The following SDK1 variants were observed in gnomAD, a reference collection of about 807,000 sequenced individuals.
The protein encoded by SDK1 is sidekick cell adhesion molecule 1, also known as protein sidekick-1.
A neutral mutation model predicts 245.5 loss-of-function variants in SDK1; 157 were observed. That is an observed-to-expected ratio of 0.64 (90% CI 0.56 to 0.73). The LOEUF (loss-of-function observed/expected upper bound fraction) is 0.73. SDK1 is among the 30% of genes least tolerant of loss of function. SDK1 has a pLI of 0.00. For missense variants in SDK1, 3,583 were observed against 3,002.3 expected, an observed-to-expected ratio of 1.19 and a Z score of -4.52; for synonymous variants, 1,647 against 1,278.5, an observed-to-expected ratio of 1.29 and a Z score of -6.15.
intron 4 of SDK1, among the ~76,000 whole-genome samples, chr7:3,802,576 A>G (rs1174750812): frequency 6.6e-6 from 1 of 151,322 alleles, no homozygotes; most frequent in Non-Finnish European, 1.5e-5. Context: ...GTCACCACAG[A>G]CATCCATCCC....
At chr7:3,860,233 G>A (rs1157675641) in intron 5 of SDK1, among the ~76,000 whole-genome samples, 1 of 151,992 alleles carries the variant, frequency 6.6e-6, no homozygotes, top group Non-Finnish European at 1.5e-5. Flanking sequence ...ATGTAACAAA[G>A]GCCCTATAAC....
intron 1 of SDK1, among the ~76,000 whole-genome samples, chr7:3,532,315 G>C (rs1325177504): frequency 4.6e-5 from 7 of 152,134 alleles, no homozygotes; most frequent in Non-Finnish European, 1.0e-4. Flanking sequence ...GTGTAGGGAA[G>C]AAAGAGTATT....
chr7:3,892,584 A>G (rs765389344), intron 5 of SDK1, among the ~76,000 whole-genome samples: 36 of 152,246 alleles, frequency 2.4e-4, no homozygotes, highest in Non-Finnish European at 3.8e-4. Flanking sequence ...ATTTTGAACA[A>G]GTGATACAGT....
At chr7:3,442,802 T>C (rs1583864388) in intron 1 of SDK1, among the ~76,000 whole-genome samples, 1 of 152,358 alleles carries the variant, frequency 6.6e-6, no homozygotes, top group African/African-American at 2.4e-5. Context: ...ACCTGTGAAA[T>C]GTAAACTGTT....
At chr7:3,828,251 C>G (rs1347147481) in intron 5 of SDK1, among the ~76,000 whole-genome samples, 3 of 151,934 alleles carry the variant, frequency 2.0e-5, no homozygotes, top group East Asian at 1.9e-4. Flanking sequence ...GCACTCCAAC[C>G]AAGGCGACGG....
rs150100133 is a variant in SDK1, at chr7:3,452,212, A to C, written c.298+150328A>C. Among the ~76,000 whole-genome samples the C allele has an allele frequency of 1.5e-3, 225 of 152,270 alleles. 1 individual carries two copies. Among genetic ancestry groups the C allele is most frequent in the African/African-American group, 5.2e-3 (214 of 41,550 alleles). ...CTTTAGGACAGGTAGAATTTTATCT[A>C]ACCTCTTAAGAACAAGTGGTTATTT... On this transcript the variant is annotated intron_variant, in intron 1 of 44. Transcript: ENST00000404826.
intron 5 of SDK1, among the ~76,000 whole-genome samples, chr7:3,922,528 T>C (rs1425629772): frequency 6.6e-6 from 1 of 152,266 alleles, no homozygotes; most frequent in Non-Finnish European, 1.5e-5. Context: ...GTGACTGACA[T>C]CTTTAGAATA....
chr7:4,202,548 G>A lies in SDK1; in HGVS notation c.5099-3331G>A, dbSNP rs1783949021. On this transcript the variant is annotated intron_variant, in intron 35 of 44. Coordinates refer to ENST00000404826, the MANE Select transcript of SDK1 (RefSeq NM_152744.4). ...AAAATGTGCAGTCCTCCCTCAGTTG[G>A]AGCGACCGCCAGTCACAGGGCCATG... Among the ~76,000 whole-genome samples the A allele has an allele frequency of 3.9e-5, 6 of 152,166 alleles. No homozygotes were observed. The South Asian group carries it at 1.2e-3, about 32-fold the overall frequency.
intron 5 of SDK1, among the ~76,000 whole-genome samples, chr7:3,929,452 G>T (rs1045867315): frequency 3.3e-5 from 5 of 152,166 alleles, no homozygotes; most frequent in African/African-American, 9.7e-5. Flanking sequence ...AATCAGAAAA[G>T]CATTCCGTAT....
chr7:3,629,922 A>G (rs1182823357), intron 2 of SDK1, among the ~76,000 whole-genome samples: 2 of 152,238 alleles, frequency 1.3e-5, no homozygotes, highest in Non-Finnish European at 2.9e-5. Context: ...ATTGCATATG[A>G]TCAAAGTAGA....
chr7:3,350,278 G>A (rs995500937), intron 1 of SDK1, among the ~76,000 whole-genome samples: 2 of 151,962 alleles, frequency 1.3e-5, no homozygotes, highest in Non-Finnish European at 2.9e-5. Context: ...AAGTTTATCA[G>A]TGTCTGTGTG....
intron 4 of SDK1, among the ~76,000 whole-genome samples, chr7:3,778,053 G>A (rs1780617209): frequency 6.6e-6 from 1 of 152,120 alleles, no homozygotes; most frequent in African/African-American, 2.4e-5. Context: ...TTATTGTCTT[G>A]CCTTCCTTTC....
intron 1 of SDK1, among the ~76,000 whole-genome samples, chr7:3,317,787 T>C (rs1220343413): frequency 1.3e-5 from 2 of 152,200 alleles, no homozygotes; most frequent in Non-Finnish European, 2.9e-5. Flanking sequence ...AAAATAAGTA[T>C]TTTGTTGTTC....
At chr7:3,871,093 G>T (rs1363103771) in intron 5 of SDK1, among the ~76,000 whole-genome samples, 1 of 150,756 alleles carries the variant, frequency 6.6e-6, no homozygotes, top group African/African-American at 2.4e-5. Context: ...ATTTTGTAGT[G>T]TTTAGCAGAT....
At chr7:3,989,299 G>C (rs1784113110) in intron 14 of SDK1, among the ~76,000 whole-genome samples, 1 of 152,180 alleles carries the variant, frequency 6.6e-6, no homozygotes, top group Non-Finnish European at 1.5e-5. Flanking sequence ...AACTCCCCTT[G>C]TACTAACCCT....
chr7:4,073,775 A>G (rs1448254273), intron 20 of SDK1, among the ~76,000 whole-genome samples: 1 of 152,178 alleles, frequency 6.6e-6, no homozygotes, highest in African/African-American at 2.4e-5. Context: ...ACCATGAGAA[A>G]CAAACTCACC....
chr7:3,967,268 G>T, intron 9 of SDK1, 50 bp from the exon 10 acceptor site: 1 of 1,420,934 alleles, frequency 7.0e-7, no homozygotes, highest in Non-Finnish European at 1.0e-6. Context: ...AGGCTGATGT[G>T]AGCCTCTCAG....
intron 14 of SDK1, among the ~76,000 whole-genome samples, chr7:3,996,835 G>A (rs1166852769): frequency 6.6e-6 from 1 of 152,114 alleles, no homozygotes; most frequent in East Asian, 1.9e-4. Context: ...TGCTGTGTTG[G>A]TTGGAATAAT....
intron 4 of SDK1, among the ~76,000 whole-genome samples, chr7:3,665,504 A>T (rs1783496798): frequency 6.6e-6 from 1 of 152,220 alleles, no homozygotes; most frequent in Non-Finnish European, 1.5e-5. Context: ...ACACCATAGC[A>T]CACCACACAT....
Sources: gnomAD v4.1 joint callset for allele counts (sites outside exome capture counted in the v4.1 genomes callset) on GRCh38, gnomAD v4.1.1 for gene constraint, MANE v1.5 for transcripts, NCBI Gene and HGNC (gene_info 2026-07-23, HGNC 2026-07-21) for gene names.